ZRANB3: variants seen among roughly 807,000 people sequenced by gnomAD.
ZRANB3 encodes the protein DNA annealing helicase and endonuclease ZRANB3.
Under a neutral mutation model 133.8 loss-of-function variants are expected in ZRANB3, and 125 were observed. The ratio of observed to expected loss-of-function variants is 0.93; its 90% CI spans 0.81 to 1.08. The LOEUF (loss-of-function observed/expected upper bound fraction) is 1.08. Ranked by LOEUF, ZRANB3 falls within the 50% of genes least tolerant of loss-of-function variation. The pLI is 0.00. For synonymous variants in ZRANB3, 387 were observed against 432.7 expected (o/e 0.89, Z 1.31); for missense variants, 1,229 against 1,275.5 (o/e 0.96, Z 0.56).
intron 2 of ZRANB3, among the ~76,000 whole-genome samples, chr2:135,440,027 G>A (rs1304129371): frequency 6.6e-6 from 1 of 152,148 alleles, no homozygotes; most frequent in Non-Finnish European, 1.5e-5. Context: ...AATACACAAT[G>A]TAGTCTCAGG....
intron 2 of ZRANB3, among the ~76,000 whole-genome samples, chr2:135,413,672 T>C (rs1454784442): frequency 6.6e-6 from 1 of 152,072 alleles, no homozygotes; most frequent in Non-Finnish European, 1.5e-5. Context: ...TACTTTAAGC[T>C]TTTACAGAAA....
At chr2:135,409,672 A>G (rs1688214842) in intron 2 of ZRANB3, among the ~76,000 whole-genome samples, 1 of 152,214 alleles carries the variant, frequency 6.6e-6, no homozygotes, top group Non-Finnish European at 1.5e-5. Context: ...TCCGAAAAAG[A>G]GGAACTCGAA....
At chr2:135,297,580 T>C (rs1682203444) in intron 8 of ZRANB3, among the ~76,000 whole-genome samples, 1 of 152,176 alleles carries the variant, frequency 6.6e-6, no homozygotes, top group Non-Finnish European at 1.5e-5. Flanking sequence ...CTGCACCCAC[T>C]GTCCTGCACC....
intron 3 of ZRANB3, among the ~76,000 whole-genome samples, chr2:135,358,175 T>C (rs1558941091): frequency 6.6e-6 from 1 of 152,210 alleles, no homozygotes; most frequent in African/African-American, 2.4e-5. Context: ...TTCCCAACTC[T>C]ATATTTCTTC....
At chr2:135,396,747 T>C (rs1301526730) in intron 2 of ZRANB3, among the ~76,000 whole-genome samples, 1 of 152,112 alleles carries the variant, frequency 6.6e-6, no homozygotes, top group South Asian at 2.1e-4. Flanking sequence ...TAGTATTCAA[T>C]AGCACAACGG....
intron 12 of ZRANB3, among the ~76,000 whole-genome samples, chr2:135,255,308 C>T (rs1374043102): frequency 6.6e-6 from 1 of 151,998 alleles, no homozygotes; most frequent in East Asian, 1.9e-4. Context: ...CCCAGGGATT[C>T]ATGGCAATCA....
chr2:135,469,124 T>C (rs1390127827), intron 2 of ZRANB3, among the ~76,000 whole-genome samples: 1 of 152,188 alleles, frequency 6.6e-6, no homozygotes, highest in South Asian at 2.1e-4. Context: ...ACCCTGCTGA[T>C]CAAATTAAGT....
rs1312646997 is a variant in ZRANB3 at position 135,230,574 on chromosome 2, G to A, written c.1893C>T (p.Thr631=). ...AAGGTAACTCTGAATTATTGATATA[G>A]GTGCAGAGACTACATTGCCAGCCCT... ...PVEGWQCSLC[T]YINNSELPYC... The change falls in exon 13 of 21, where the codon ACC becomes ACT. Residue 631 remains threonine (T), a synonymous_variant. Coordinates refer to ENST00000264159, the MANE Select transcript of ZRANB3 (RefSeq NM_032143.4). The A allele has an allele frequency of 6.3e-7, 1 of 1,591,918 alleles. No homozygotes were observed. The highest frequency in any genetic ancestry group is 1.3e-5 in the African/African-American group (1 of 74,180).
intron 2 of ZRANB3, among the ~76,000 whole-genome samples, chr2:135,414,658 T>C (rs1036296346): frequency 1.3e-5 from 2 of 152,170 alleles, no homozygotes; most frequent in African/African-American, 4.8e-5. Context: ...TACATTTTTT[T>C]CAGCACCACA....
intron 8 of ZRANB3, among the ~76,000 whole-genome samples, chr2:135,307,734 T>C (rs759526102): frequency 6.6e-6 from 1 of 152,172 alleles, no homozygotes; most frequent in Admixed American, 6.5e-5. Context: ...ACATCCAGAA[T>C]TGAGCATGCT....
intron 2 of ZRANB3, among the ~76,000 whole-genome samples, chr2:135,499,701 A>T (rs564665239): frequency 1.3e-3 from 199 of 152,338 alleles, no homozygotes; most frequent in South Asian, 4.1e-3. Context: ...AGATAGGCAA[A>T]ATGAAGTGTT....
chr2:135,310,931 T>A (rs946585382), intron 8 of ZRANB3, among the ~76,000 whole-genome samples: 1 of 151,154 alleles, frequency 6.6e-6, no homozygotes, highest in Non-Finnish European at 1.5e-5. Context: ...TGAACTTAGA[T>A]TAGGCAAAAA....
At chr2:135,357,493 G>T (rs374314579) in intron 3 of ZRANB3, among the ~76,000 whole-genome samples, 1 of 151,974 alleles carries the variant, frequency 6.6e-6, no homozygotes, top group Non-Finnish European at 1.5e-5. Context: ...ACGGGGTTTC[G>T]CCATGTTGGC....
intron 2 of ZRANB3, among the ~76,000 whole-genome samples, chr2:135,481,460 CTGTT>C (rs1302633592): frequency 2.0e-5 from 3 of 151,880 alleles, no homozygotes; most frequent in African/African-American, 4.8e-5. Flanking sequence ...TTTGATGGGG[CTGTT>C]TGTTTTTTTC....
intron 8 of ZRANB3, among the ~76,000 whole-genome samples, chr2:135,287,561 T>C (rs921847631): frequency 4.6e-5 from 7 of 152,148 alleles, no homozygotes; most frequent in African/African-American, 1.7e-4. Context: ...GAGCATGGGA[T>C]GTGTTGACGT....
chr2:135,295,382 A>C (rs1026821897), intron 8 of ZRANB3, among the ~76,000 whole-genome samples: 7 of 152,068 alleles, frequency 4.6e-5, no homozygotes, highest in African/African-American at 9.7e-5. Flanking sequence ...CTGTTTTATC[A>C]GAGACTAGGA....
At chr2:135,515,483 G>A (rs1406479070) in intron 1 of ZRANB3, among the ~76,000 whole-genome samples, 1 of 152,174 alleles carries the variant, frequency 6.6e-6, no homozygotes, top group Non-Finnish European at 1.5e-5. Context: ...GGTACGTTGT[G>A]TCTTTGTTCT....
intron 8 of ZRANB3, among the ~76,000 whole-genome samples, chr2:135,312,156 ATTTTT>A (rs1683017988): frequency 1.7e-5 from 2 of 117,246 alleles, no homozygotes; most frequent in South Asian, 2.4e-4. Context: ...ATTTTATTTT[ATTTTT>A]ATTTTATTTT....
chr2:135,390,824 G>T lies in ZRANB3; in HGVS notation c.162-4C>A. On this transcript the variant is annotated splice_region_variant and splice_polypyrimidine_tract_variant and intron_variant, in intron 2 of 20. Transcript: ENST00000264159. ...TACTTCATCAGCCACCATACACCTG[G>T]AAAAAAAAAAAAAAAAAAATTAATT... The T allele has an allele frequency of 1.2e-5, 16 of 1,299,006 alleles. No homozygotes were observed. Among genetic ancestry groups the T allele is most frequent in the Non-Finnish European group, 1.5e-5 (15 of 987,038 alleles). 80.5% of individuals were successfully genotyped at this position (1,299,006 alleles called of 1,614,324 possible). A position where few individuals can be genotyped will look rare whatever the true frequency, so the allele number is the denominator to read the frequency against.
Sources: allele counts gnomAD v4.1 joint callset (sites outside exome capture counted in the v4.1 genomes callset), GRCh38; gene constraint gnomAD v4.1.1; transcripts MANE v1.5; gene names NCBI Gene and HGNC (gene_info 2026-07-23, HGNC 2026-07-21).